Variants in RSPH1 observed in about 807,000 individuals in gnomAD.
The protein encoded by RSPH1 is radial spoke head component 1, also known as radial spoke head 1 homolog.
Under a neutral mutation model 44.2 loss-of-function variants are expected in RSPH1, and 32 were observed. The observed-to-expected ratio is 0.72, with a 90% confidence interval of 0.55 to 0.97. The LOEUF (loss-of-function observed/expected upper bound fraction) is 0.97, where lower values mean the gene tolerates loss of function less well. Ranked by LOEUF, RSPH1 falls within the 50% of genes least tolerant of loss-of-function variation. RSPH1 has a pLI of 0.00. For missense variants in RSPH1, 391 were observed against 398.7 expected (o/e 0.98, Z 0.16); for synonymous variants, 134 against 147.3 (o/e 0.91, Z 0.65).
intron 5 of RSPH1, chr21:42,485,279 T>A (rs1384465617): frequency 5.6e-6 from 1 of 179,066 alleles, no homozygotes; most frequent in African/African-American, 2.4e-5. Context: ...ATGTCGCACC[T>A]CCCCTTCCAG....
chr21:42,488,677 A>G (rs533213258), intron 3 of RSPH1, among the ~76,000 whole-genome samples: 32 of 152,218 alleles, frequency 2.1e-4, no homozygotes, highest in Non-Finnish European at 3.7e-4. Context: ...AATTTTTTAA[A>G]GTCCCAATCT....
At chr21:42,480,929 G>T (rs573644411) in intron 6 of RSPH1, among the ~76,000 whole-genome samples, 6 of 152,082 alleles carry the variant, frequency 3.9e-5, no homozygotes, top group Non-Finnish European at 8.8e-5. Flanking sequence ...ACGAGGAGTC[G>T]GTTTAAAGCA....
intron 6 of RSPH1, among the ~76,000 whole-genome samples, chr21:42,481,269 C>T (rs1227131593): frequency 6.6e-6 from 1 of 152,122 alleles, no homozygotes; most frequent in Non-Finnish European, 1.5e-5. Flanking sequence ...ATGGTACCAG[C>T]TCCCCTTCAC....
intron 5 of RSPH1, among the ~76,000 whole-genome samples, chr21:42,483,263 G>T (rs968859674): frequency 1.6e-4 from 24 of 148,496 alleles, no homozygotes; most frequent in Non-Finnish European, 3.1e-4. Context: ...TACAAAGAAC[G>T]CTCCAGCAAA....
rs200870072 is a variant in RSPH1 at position 42,485,723 on chromosome 21, C to T, written c.447G>A (p.Thr149=). ...TGTGGTTCAGGTGAATGAGCTCGGC[C>T]GTGCCCTCCTGCTGTCCGTTCACCC... ...GTWVNGQQEG[T]AELIHLNHRY... The change falls in exon 5 of 9, where the codon ACG becomes ACA. Residue 149 remains threonine (T), a synonymous_variant. Transcript: ENST00000291536. The T allele has an allele frequency of 6.6e-5, 107 of 1,614,170 alleles. 2 individuals are homozygous for T. In the East Asian group the frequency reaches 1.0e-3, roughly 15 times the overall value.
Position 42,474,836 on chromosome 21 carries a change from A to G in RSPH1, c.877+1062T>C, listed in dbSNP as rs560465173. Among the ~76,000 whole-genome samples, 1 of 151,840 alleles carries G rather than the reference A, an allele frequency of 6.6e-6. No homozygotes were observed. Among genetic ancestry groups the G allele is most frequent in the Non-Finnish European group, 1.5e-5 (1 of 68,044 alleles). On this transcript the variant is annotated intron_variant, in intron 8 of 8. Transcript: ENST00000291536. This position sits in a 1 kb window ranked among gnomAD's most constrained non-coding sequence, Gnocchi z 5.2. The stretch of plus-strand genomic sequence containing the variant: ...GGGGAATTACCGATCACGAAAGTCT[A>G]TGTGTGCTTCAAGCATCTAAGAGAA...
intron 3 of RSPH1, among the ~76,000 whole-genome samples, chr21:42,487,771 G>C (rs2054194729): frequency 2.0e-5 from 3 of 152,318 alleles, no homozygotes; most frequent in Admixed American, 2.0e-4. Context: ...AATAGGCTAA[G>C]AAAATGCTAA....
Position 42,475,997 on chromosome 21 carries a change from C to A in RSPH1, c.778G>T (p.Gly260Cys). Residue 260 changes from glycine (G) to cysteine (C), a missense_variant, in exon 8 of 9, where the codon GGT becomes TGT. Physicochemically the swap from Gly to Cys is radical, Grantham distance 159. Transcript: ENST00000291536. ...TCTCCAGGCCTCATGTCCATCTCAC[C>A]CTCGAAGCCCTCCAGCAGAGCCTGG... ...EAQALLEGFE[G>C]EMDMRPGDED... 1.2e-6 allele frequency: 2 copies of A among 1,613,436 alleles called. No individual in the cohort carries two copies. The highest frequency in any genetic ancestry group is 2.2e-5 in the South Asian group (2 of 90,970).
chr21:42,489,809 G>A (rs933843323), intron 3 of RSPH1, among the ~76,000 whole-genome samples: 1 of 152,176 alleles, frequency 6.6e-6, no homozygotes, highest in African/African-American at 2.4e-5. Context: ...ATGAAAATTG[G>A]AGTCTGTCTA....
At chr21:42,483,469 T>A (rs1253025509) in intron 5 of RSPH1, among the ~76,000 whole-genome samples, 13 of 152,222 alleles carry the variant, frequency 8.5e-5, no homozygotes, top group East Asian at 3.9e-4. Context: ...CATGTTTTTT[T>A]ATATAAAACA....
At chr21:42,485,883 A>G (rs1189650924) in intron 4 of RSPH1, 79 bp from the exon 5 acceptor site, 2 of 1,573,806 alleles carry the variant, frequency 1.3e-6, no homozygotes, top group Non-Finnish European at 8.7e-7. Context: ...AGACATTGAC[A>G]TTGAGGGAGG....
In RSPH1 at chr21:42,475,959, G is replaced by T; in HGVS notation, c.816C>A (p.Asp272Glu). 6.2e-7 allele frequency: 1 copy of T among 1,612,634 alleles called. No individual in the cohort carries two copies. Among genetic ancestry groups the T allele is most frequent in the Non-Finnish European group, 8.5e-7 (1 of 1,179,702 alleles). Residue 272 changes from aspartate (D) to glutamate (E), a missense_variant, in exon 8 of 9, where the codon GAC becomes GAA. Transcript: ENST00000291536. ...MDMRPGDEDA[D>E]VLREESREYD... The stretch of plus-strand genomic sequence containing the variant: ...ACTCCCGGCTCTCTTCCCGGAGGAC[G>T]TCTGCATCTTCATCTCCAGGCCTCA...
chr21:42,491,804 GTCC>G (rs1039413002), intron 3 of RSPH1, among the ~76,000 whole-genome samples: 3 of 152,298 alleles, frequency 2.0e-5, no homozygotes, highest in African/African-American at 7.2e-5. Context: ...GTAAGAATAT[GTCC>G]TCCTCACTAA....
At chr21:42,477,577 T>A in intron 6 of RSPH1, 133 bp from the exon 7 acceptor site, 1 of 833,198 alleles carries the variant, frequency 1.2e-6, no homozygotes, top group Non-Finnish European at 1.9e-6. Context: ...AGGACGTCAC[T>A]CAGGAATCAG....
chr21:42,475,804 CT>C (rs959749849), intron 8 of RSPH1, 93 bp downstream of exon 8: 1 of 1,438,576 alleles, frequency 7.0e-7, no homozygotes, highest in Non-Finnish European at 9.5e-7. Context: ...TGGGGCCCAG[CT>C]GAAGGCAGGC....
chr21:42,496,020 G>A, intron 1 of RSPH1, 113 bp downstream of exon 1: 2 of 1,201,432 alleles, frequency 1.7e-6, no homozygotes, highest in Non-Finnish European at 2.5e-6. Context: ...GGGATCCTGG[G>A]GAGCTGTGGC....
At chr21:42,480,662 A>C (rs1011996110) in intron 6 of RSPH1, among the ~76,000 whole-genome samples, 1 of 151,714 alleles carries the variant, frequency 6.6e-6, no homozygotes, top group Middle Eastern at 3.4e-3. Flanking sequence ...AAAAAAAAAA[A>C]AAAACCTGTC....
At chr21:42,494,867 T>C (rs2054271983) in intron 1 of RSPH1, among the ~76,000 whole-genome samples, 1 of 151,954 alleles carries the variant, frequency 6.6e-6, no homozygotes, top group African/African-American at 2.4e-5. Context: ...GCCCGGCTAA[T>C]TTTTTGTATT....
rs190019754 is a variant in RSPH1 at position 42,495,500 on chromosome 21, C to T, written c.54+633G>A. 1.1e-4 allele frequency among the ~76,000 whole-genome samples: 16 copies of T among 152,294 alleles called. No individual in the cohort carries two copies. In the East Asian group the frequency reaches 1.9e-3, roughly 18 times the overall value. On this transcript the variant is annotated intron_variant, in intron 1 of 8. Coordinates refer to ENST00000291536, the MANE Select transcript of RSPH1 (RefSeq NM_080860.4). The stretch of plus-strand genomic sequence containing the variant: ...ACTCTCTGGGTGATAGAAATATTCC[C>T]ACACAGAACCCAGCTCACAGGCTGG...
Sources: gnomAD v4.1 joint callset for allele counts (sites outside exome capture counted in the v4.1 genomes callset) on GRCh38, gnomAD v4.1.1 for gene constraint, Gnocchi (gnomAD v3.1) non-coding constraint, MANE v1.5 for transcripts, NCBI Gene and HGNC (gene_info 2026-07-23, HGNC 2026-07-21) for gene names.